CCDC85A: variants seen among roughly 807,000 people sequenced by gnomAD.
CCDC85A encodes coiled-coil domain containing 85A.
Under a neutral mutation model 50.2 loss-of-function variants are expected in CCDC85A, and 38 were observed. That is an observed-to-expected ratio of 0.76 (90% CI 0.58 to 0.99). The LOEUF is 0.99. Among genes scored for constraint, CCDC85A ranks in the 50% least tolerant of loss-of-function variants. The pLI is 0.00. For synonymous variants in CCDC85A, 366 were observed against 301.4 expected, an observed-to-expected ratio of 1.21 and a Z score of -2.22; for missense variants, 820 against 742.0, an observed-to-expected ratio of 1.11 and a Z score of -1.22.
chr2:56,302,414 C>T (rs891650739), intron 2 of CCDC85A, among the ~76,000 whole-genome samples: 2 of 152,042 alleles, frequency 1.3e-5, no homozygotes, highest in African/African-American at 4.8e-5. Flanking sequence ...GATAAATTTA[C>T]TGGAATTGAG....
chr2:56,310,696 T>G (rs1672649594), intron 2 of CCDC85A, among the ~76,000 whole-genome samples: 1 of 152,090 alleles, frequency 6.6e-6, no homozygotes, highest in Non-Finnish European at 1.5e-5. Context: ...TCCCCTGACA[T>G]CTAACTATAA....
intron 2 of CCDC85A, among the ~76,000 whole-genome samples, chr2:56,278,309 C>T (rs913474009): frequency 1.3e-4 from 19 of 151,830 alleles, no homozygotes; most frequent in Non-Finnish European, 2.8e-4. Flanking sequence ...GGTCTGGGTA[C>T]ATAACATAAA....
At chr2:56,308,202 A>T (rs1288773050) in intron 2 of CCDC85A, among the ~76,000 whole-genome samples, 1 of 152,172 alleles carries the variant, frequency 6.6e-6, no homozygotes, top group Admixed American at 6.6e-5. Context: ...CAAACAAGAC[A>T]TTTCATATTT....
intron 2 of CCDC85A, among the ~76,000 whole-genome samples, chr2:56,207,494 G>T (rs1472530715): frequency 1.3e-5 from 2 of 152,116 alleles, no homozygotes; most frequent in Non-Finnish European, 2.9e-5. Flanking sequence ...GACACATCAG[G>T]CATATTTCTA....
chr2:56,364,329 G>GT (rs1231584742), intron 3 of CCDC85A, among the ~76,000 whole-genome samples: 1 of 109,006 alleles, frequency 9.2e-6, no homozygotes, highest in Non-Finnish European at 2.2e-5. Context: ...CTTTTATTTC[G>GT]TTTTATTTTT....
intron 2 of CCDC85A, among the ~76,000 whole-genome samples, chr2:56,276,490 T>G (rs1291266643): frequency 1.3e-5 from 2 of 152,096 alleles, no homozygotes; most frequent in African/African-American, 4.8e-5. Context: ...GTCTTTCCTG[T>G]GCTAATCTCA....
chr2:56,222,565 T>C (rs1219418537), intron 2 of CCDC85A, among the ~76,000 whole-genome samples: 4 of 152,114 alleles, frequency 2.6e-5, no homozygotes, highest in Non-Finnish European at 4.4e-5. Flanking sequence ...GAGAAGGAGA[T>C]GTACAGGCCC....
chr2:56,195,457 A>G (rs959079394), intron 2 of CCDC85A, among the ~76,000 whole-genome samples: 6 of 152,342 alleles, frequency 3.9e-5, no homozygotes, highest in East Asian at 1.9e-4. Flanking sequence ...TAAGTGACCA[A>G]TCTTATGCTG....
chr2:56,366,450 G>A (rs1675798863), intron 3 of CCDC85A, among the ~76,000 whole-genome samples: 1 of 152,128 alleles, frequency 6.6e-6, no homozygotes, highest in Admixed American at 6.6e-5. Flanking sequence ...CATTTTAAAA[G>A]GCATGAGGTG....
chr2:56,239,901 A>G (rs947182093), intron 2 of CCDC85A, among the ~76,000 whole-genome samples: 3 of 151,934 alleles, frequency 2.0e-5, no homozygotes, highest in Admixed American at 6.6e-5. Context: ...TTATATATTT[A>G]TATCTGTTTT....
At chr2:56,205,353 C>G (rs967305106) in intron 2 of CCDC85A, among the ~76,000 whole-genome samples, 5 of 152,116 alleles carry the variant, frequency 3.3e-5, no homozygotes, top group African/African-American at 1.2e-4. Flanking sequence ...CACTTTACTT[C>G]TATTACTTTA....
At chr2:56,232,019 C>T (rs1050105638) in intron 2 of CCDC85A, among the ~76,000 whole-genome samples, 2 of 152,068 alleles carry the variant, frequency 1.3e-5, no homozygotes, top group Non-Finnish European at 2.9e-5. Context: ...TGTTACTCCT[C>T]TGCTTGACTT....
At chr2:56,322,212 C>A (rs769837525) in intron 2 of CCDC85A, among the ~76,000 whole-genome samples, 1 of 152,144 alleles carries the variant, frequency 6.6e-6, no homozygotes, top group East Asian at 1.9e-4. Flanking sequence ...CTAGGCAAAA[C>A]CATTCAGGCC....
intron 2 of CCDC85A, among the ~76,000 whole-genome samples, chr2:56,199,697 T>G (rs187304471): frequency 6.6e-6 from 1 of 152,210 alleles, no homozygotes. Flanking sequence ...TAAATTCTTT[T>G]CTGCTGTTCC....
chr2:56,331,092 C>G (rs1673767144), intron 2 of CCDC85A, among the ~76,000 whole-genome samples: 1 of 151,426 alleles, frequency 6.6e-6, no homozygotes. Flanking sequence ...ATGGATGGAA[C>G]TGGAGGCCAT....
At chr2:56,379,082 T>C (rs1364555043) in intron 5 of CCDC85A, among the ~76,000 whole-genome samples, 5 of 152,200 alleles carry the variant, frequency 3.3e-5, no homozygotes. Context: ...AACATAGGCC[T>C]CTAAAATTGT....
intron 5 of CCDC85A, chr2:56,383,682 A>G: frequency 1.3e-5 from 13 of 985,122 alleles, no homozygotes; most frequent in Non-Finnish European, 1.6e-5. Flanking sequence ...CACTCTGTAG[A>G]AAAAGCCAGA....
chr2:56,347,778 T>A (rs1674701737), intron 3 of CCDC85A, among the ~76,000 whole-genome samples: 1 of 152,196 alleles, frequency 6.6e-6, no homozygotes, highest in Non-Finnish European at 1.5e-5. Flanking sequence ...ATTTTAAAAT[T>A]GAAATTTGAT....
rs1332811092 is a variant in CCDC85A at position 56,373,686 on chromosome 2, C to G, written c.1452+1208C>G. On this transcript the variant is annotated intron_variant, in intron 4 of 5. Transcript: ENST00000407595. ...AGCTCAGAGTGGGAAGGTTTATTGC[C>G]TTCTAAATTAGAGGAAATATGACTT... Among the ~76,000 whole-genome samples the G allele has an allele frequency of 2.0e-5, 3 of 152,294 alleles. No homozygotes were observed. In the East Asian group the frequency reaches 5.8e-4, roughly 29 times the overall value.
Sources: gnomAD v4.1 joint callset for allele counts (sites outside exome capture counted in the v4.1 genomes callset) on GRCh38, gnomAD v4.1.1 for gene constraint, MANE v1.5 for transcripts, NCBI Gene and HGNC (gene_info 2026-07-23, HGNC 2026-07-21) for gene names.